ST14: variants seen among roughly 807,000 people sequenced by gnomAD.
ST14 encodes suppressor of tumorigenicity 14 protein.
Under a neutral mutation model 96.5 loss-of-function variants are expected in ST14, and 40 were observed. That is an observed-to-expected ratio of 0.41 (90% CI 0.32 to 0.54). The LOEUF (loss-of-function observed/expected upper bound fraction) is 0.54. Among genes scored for constraint, ST14 ranks in the 20% least tolerant of loss-of-function variants. The probability of loss-of-function intolerance (pLI) is 0.17; values close to 1 mark genes in which losing one functional copy is unlikely to be tolerated. For synonymous variants in ST14, 506 were observed against 492.1 expected, an observed-to-expected ratio of 1.03 and a Z score of -0.37; for missense variants, 1,066 against 1,188.9, an observed-to-expected ratio of 0.90 and a Z score of 1.52.
chr11:130,164,823 C>T (rs1210608520), intron 1 of ST14, among the ~76,000 whole-genome samples: 3 of 151,672 alleles, frequency 2.0e-5, no homozygotes, highest in Non-Finnish European at 4.4e-5. Context: ...CCACAACCTC[C>T]GCCTCCTGGA....
At chr11:130,169,888 G>C (rs540188522) in intron 1 of ST14, among the ~76,000 whole-genome samples, 2 of 152,332 alleles carry the variant, frequency 1.3e-5, no homozygotes, top group South Asian at 4.1e-4. Context: ...TCTCTTGTCG[G>C]GTTTTGGGGG....
In ST14 at chr11:130,181,947, C is replaced by T. The variant is rs937471589; in HGVS notation, c.82-6167C>T. Among the ~76,000 whole-genome samples the T allele has an allele frequency of 1.3e-5, 2 of 152,202 alleles. No homozygotes were observed. The highest frequency in any genetic ancestry group is 2.4e-5 in the African/African-American group (1 of 41,450). On this transcript the variant is annotated intron_variant, in intron 1 of 18. Transcript: ENST00000278742. This position sits in a 1 kb window ranked among gnomAD's most constrained non-coding sequence, Gnocchi z 4.1. ...AGCGCCACTGCTGACAGCCTCGCTCCGTGGCAGAGTCTGGGGTGACCCCTG... is the reference window on the plus strand; with the variant it reads ...AGCGCCACTGCTGACAGCCTCGCTCTGTGGCAGAGTCTGGGGTGACCCCTG...
intron 1 of ST14, among the ~76,000 whole-genome samples, chr11:130,186,722 G>A (rs976679998): frequency 6.6e-6 from 1 of 152,124 alleles, no homozygotes; most frequent in Non-Finnish European, 1.5e-5. Flanking sequence ...TGTAACTATT[G>A]GGAGGATGGG....
intron 1 of ST14, among the ~76,000 whole-genome samples, chr11:130,165,340 G>A (rs771371002): frequency 7.2e-5 from 11 of 152,192 alleles, no homozygotes; most frequent in Non-Finnish European, 1.3e-4. Context: ...TGGTAGGATG[G>A]GAATAGAAAC....
intron 1 of ST14, among the ~76,000 whole-genome samples, chr11:130,185,926 G>A (rs1953233352): frequency 6.6e-6 from 1 of 152,050 alleles, no homozygotes; most frequent in African/African-American, 2.4e-5. Context: ...TCCTGCCTCG[G>A]CCTCCCAAGT....
chr11:130,183,131 T>C (rs1591884281), intron 1 of ST14, among the ~76,000 whole-genome samples: 2 of 152,146 alleles, frequency 1.3e-5, no homozygotes, highest in East Asian at 3.9e-4. Flanking sequence ...TAATTTTTTT[T>C]GTATTTTTAG....
intron 1 of ST14, among the ~76,000 whole-genome samples, chr11:130,185,279 G>T (rs1302349576): frequency 6.6e-6 from 1 of 152,120 alleles, no homozygotes; most frequent in Non-Finnish European, 1.5e-5. Context: ...CAATTGAAAG[G>T]TTAAAAATAA....
chr11:130,184,367 G>A (rs181782052), intron 1 of ST14, among the ~76,000 whole-genome samples: 2 of 151,858 alleles, frequency 1.3e-5, no homozygotes, highest in Admixed American at 6.5e-5. Flanking sequence ...CGCAAAATAC[G>A]GGAGAGAAAA....
At chr11:130,183,562 G>C (rs1591884529) in intron 1 of ST14, among the ~76,000 whole-genome samples, 1 of 143,654 alleles carries the variant, frequency 7.0e-6, no homozygotes, top group Non-Finnish European at 1.5e-5. Flanking sequence ...AAAAAAAAAA[G>C]ATTGCATTGC....
Position 130,209,840 on chromosome 11 carries a change from A to G in ST14, c.*17A>G. Reference sequence around the variant, plus strand: ...GGGGTATAGGGGCCGGGGCCACCCAAATGTGTACACCTGCGGGGCCACCCA... The same window carrying G: ...GGGGTATAGGGGCCGGGGCCACCCAGATGTGTACACCTGCGGGGCCACCCA... On this transcript the variant is annotated 3_prime_UTR_variant, in exon 19 of 19. Transcript: ENST00000278742. 1.9e-5 allele frequency: 30 copies of G among 1,612,384 alleles called. No homozygotes were observed. Among genetic ancestry groups the G allele is most frequent in the Non-Finnish European group, 2.5e-5 (29 of 1,179,956 alleles).
chr11:130,180,404 C>T (rs551544545), intron 1 of ST14, among the ~76,000 whole-genome samples: 3 of 152,312 alleles, frequency 2.0e-5, no homozygotes, highest in South Asian at 2.1e-4. Flanking sequence ...GGGTCTGGCC[C>T]GAAGCTTCAT....
Position 130,196,597 on chromosome 11 carries a change from C to T in ST14, c.1251C>T (p.Val417=), listed in dbSNP as rs373479766. Residue 417 remains valine, a synonymous_variant, in exon 11 of 19, where the codon GTC becomes GTT. Coordinates refer to ENST00000278742, the MANE Select transcript of ST14 (RefSeq NM_021978.4). ...ACTGCGGAGAGAGGTCCCAGTTCGT[C>T]GTCACCAGCAACAGCAACAAGATCA... is the stretch of plus-strand genomic sequence containing the variant. ...EKYCGERSQF[V]VTSNSNKITV... The T allele has an allele frequency of 1.6e-5, 25 of 1,612,006 alleles. No homozygotes were observed. Among genetic ancestry groups the T allele is most frequent in the Middle Eastern group, 1.6e-4 (1 of 6,080 alleles).
intron 8 of ST14, 119 bp downstream of exon 8, chr11:130,194,407 C>T: frequency 6.9e-7 from 1 of 1,450,874 alleles, no homozygotes; most frequent in East Asian, 2.4e-5. Context: ...GCGAGCTGGC[C>T]TAGGTCAGCA....
Position 130,188,698 on chromosome 11 carries a change from C to G in ST14, c.369+41C>G. The G allele has an allele frequency of 6.2e-7, 1 of 1,613,992 alleles. No homozygotes were observed. On this transcript the variant is annotated intron_variant, in intron 3 of 18. Transcript: ENST00000278742. This position sits in a 1 kb window ranked among gnomAD's most constrained non-coding sequence, Gnocchi z 5.4. ...CCAGAGTCCTGCTGGGCTGTGTGCG[C>G]TGGTGTCCCACCTGCTGGGCAGGAG... is the stretch of plus-strand genomic sequence containing the variant.
Position 130,187,369 on chromosome 11 carries a change from C to A in ST14, c.82-745C>A, listed in dbSNP as rs558405779. ...TGGATACCCTTGGCAGGGAGGAACCCGGGGAAGTTGCCATCCTGTCTTTTG... is the reference window on the plus strand; with the variant it reads ...TGGATACCCTTGGCAGGGAGGAACCAGGGGAAGTTGCCATCCTGTCTTTTG... On this transcript the variant is annotated intron_variant, in intron 1 of 18. Coordinates refer to ENST00000278742, the MANE Select transcript of ST14 (RefSeq NM_021978.4). This position sits in a 1 kb window ranked among gnomAD's most constrained non-coding sequence, Gnocchi z 4.5. Among the ~76,000 whole-genome samples, 3 of 152,144 alleles carry A rather than the reference C, an allele frequency of 2.0e-5. No homozygotes were observed. The highest frequency in any genetic ancestry group is 4.4e-5 in the Non-Finnish European group (3 of 68,020).
At chr11:130,197,309 C>T (rs1441006884) in intron 11 of ST14, among the ~76,000 whole-genome samples, 4 of 152,234 alleles carry the variant, frequency 2.6e-5, no homozygotes, top group African/African-American at 4.8e-5. Flanking sequence ...TGTGCCGAGG[C>T]GGTGACAATG....
At chr11:130,196,875 A>C in intron 11 of ST14, 175 bp downstream of exon 11, 2 of 922,514 alleles carry the variant, frequency 2.2e-6, no homozygotes, top group Non-Finnish European at 1.7e-6. Context: ...GCATTAATGA[A>C]AGCAGGCTGG....
intron 1 of ST14, among the ~76,000 whole-genome samples, chr11:130,164,824 G>A (rs750086333): frequency 7.9e-5 from 12 of 151,434 alleles, no homozygotes; most frequent in African/African-American, 9.7e-5. Context: ...CACAACCTCC[G>A]CCTCCTGGAT....
intron 9 of ST14, among the ~76,000 whole-genome samples, chr11:130,195,778 G>A (rs1265827002): frequency 7.9e-5 from 12 of 151,564 alleles, no homozygotes; most frequent in Non-Finnish European, 1.2e-4. Context: ...GCTTGAACCC[G>A]GGAGTCGGAG....
Sources: gnomAD v4.1 joint callset for allele counts (sites outside exome capture counted in the v4.1 genomes callset) on GRCh38, gnomAD v4.1.1 for gene constraint, Gnocchi (gnomAD v3.1) non-coding constraint, MANE v1.5 for transcripts, NCBI Gene and HGNC (gene_info 2026-07-23, HGNC 2026-07-21) for gene names.